NREP: variants seen among roughly 807,000 people sequenced by gnomAD.
NREP encodes the protein neuronal regeneration-related protein.
A neutral mutation model predicts 8.6 loss-of-function variants in NREP; 5 were observed. The ratio of observed to expected loss-of-function variants is 0.58; its 90% CI spans 0.30 to 1.22. The LOEUF (loss-of-function observed/expected upper bound fraction) is 1.22, where lower values mean the gene tolerates loss of function less well. Ranked by LOEUF, NREP falls within the 50% of genes most tolerant of loss-of-function variation. The pLI is 0.07. For synonymous variants in NREP, 27 were observed against 28.0 expected, an observed-to-expected ratio of 0.96 and a Z score of 0.11; for missense variants, 86 against 82.5, an observed-to-expected ratio of 1.04 and a Z score of -0.17.
intron 2 of NREP, among the ~76,000 whole-genome samples, chr5:111,930,111 C>T (rs185006190): frequency 4.6e-5 from 7 of 152,176 alleles, no homozygotes; most frequent in African/African-American, 9.6e-5. Context: ...AGGAAAAGGG[C>T]GAGGCAAGAG....
Position 111,894,740 on chromosome 5 carries a change from T to C in NREP, c.135+80534A>G, listed in dbSNP as rs1754468452. Among the ~76,000 whole-genome samples the C allele has an allele frequency of 3.3e-5, 5 of 152,322 alleles. No homozygotes were observed. In the South Asian group the frequency reaches 6.2e-4, roughly 19 times the overall value. On this transcript the variant is annotated intron_variant, in intron 2 of 3. Transcript: ENST00000395634. ...CAGGCAATGAAACCATGATTGTTGA[T>C]GCACAACAGCCGACAGCCCTATGGA...
At chr5:111,809,949 C>A (rs1752234314) in intron 2 of NREP, among the ~76,000 whole-genome samples, 1 of 150,994 alleles carries the variant, frequency 6.6e-6, no homozygotes, top group Non-Finnish European at 1.5e-5. Context: ...AACAGCAAAT[C>A]TCTAGACTAG....
intron 2 of NREP, among the ~76,000 whole-genome samples, chr5:111,858,830 C>A (rs528988359): frequency 2.6e-5 from 4 of 152,198 alleles, no homozygotes; most frequent in Non-Finnish European, 5.9e-5. Context: ...CTAAAATGCT[C>A]CAAACAACCT....
intron 2 of NREP, among the ~76,000 whole-genome samples, chr5:111,776,142 T>A (rs138850556): frequency 6.6e-6 from 1 of 152,190 alleles, no homozygotes; most frequent in East Asian, 1.9e-4. Context: ...TTTGGTCATA[T>A]AGACTCACAT....
At chr5:111,876,857 T>C (rs1753922087) in intron 2 of NREP, among the ~76,000 whole-genome samples, 2 of 152,206 alleles carry the variant, frequency 1.3e-5, no homozygotes, top group Admixed American at 1.3e-4. Context: ...ACTAAATCTA[T>C]TCTATAAATG....
At chr5:111,818,726 G>T (rs559680811) in intron 2 of NREP, among the ~76,000 whole-genome samples, 6 of 152,304 alleles carry the variant, frequency 3.9e-5, no homozygotes, top group African/African-American at 1.2e-4. Flanking sequence ...CATGTGTAAA[G>T]TAATGTAGTG....
chr5:111,874,343 G>A (rs565511549), intron 2 of NREP, among the ~76,000 whole-genome samples: 2 of 152,294 alleles, frequency 1.3e-5, no homozygotes, highest in African/African-American at 4.8e-5. Flanking sequence ...ATGAGTTCAA[G>A]ATGGAAAAGT....
chr5:111,787,015 T>C (rs1440805062), intron 2 of NREP, among the ~76,000 whole-genome samples: 8 of 152,218 alleles, frequency 5.3e-5, no homozygotes, highest in East Asian at 1.9e-4. Context: ...CTTACACTGT[T>C]GATGGTCTTT....
intron 2 of NREP, among the ~76,000 whole-genome samples, chr5:111,808,848 T>C (rs983791977): frequency 6.6e-6 from 1 of 152,208 alleles, no homozygotes; most frequent in Non-Finnish European, 1.5e-5. Context: ...GCAAGGACCA[T>C]GCCACATTGC....
chr5:111,729,939 G>GTTTA lies in NREP; in HGVS notation c.*978_*981dup, dbSNP rs1748400951. The GTTTA allele has an allele frequency of 6.6e-6, 1 of 152,556 alleles. No homozygotes were observed. The highest frequency in any genetic ancestry group is 1.5e-5 in the Non-Finnish European group (1 of 68,024). 9.5% of individuals were successfully genotyped at this position (152,556 alleles called of 1,614,324 possible). Reference sequence around the variant, plus strand: ...TGTTTTGGGTTTTTTTCCAGGGGGAGTTTATTTAAAACGGTTTTGCTCTTT... The same window carrying GTTTA: ...TGTTTTGGGTTTTTTTCCAGGGGGAGTTTATTTATTTAAAACGGTTTTGCTCTTT... On this transcript the variant is annotated 3_prime_UTR_variant, in exon 4 of 4. Transcript: ENST00000257435.
At chr5:111,873,869 C>T (rs1441570609) in intron 2 of NREP, among the ~76,000 whole-genome samples, 1 of 152,150 alleles carries the variant, frequency 6.6e-6, no homozygotes, top group Non-Finnish European at 1.5e-5. Context: ...AGGCAGAACA[C>T]TAGTTACTCC....
intron 2 of NREP, among the ~76,000 whole-genome samples, chr5:111,782,614 A>G (rs1581113949): frequency 1.3e-5 from 2 of 152,318 alleles, no homozygotes; most frequent in Middle Eastern, 6.8e-3. Flanking sequence ...TTCTAAATTA[A>G]CTCTAAATAT....
At chr5:111,893,443 A>G (rs1282168749) in intron 2 of NREP, among the ~76,000 whole-genome samples, 1 of 151,886 alleles carries the variant, frequency 6.6e-6, no homozygotes, top group Non-Finnish European at 1.5e-5. Context: ...TGTGCACTAT[A>G]TTAGGGTGAC....
chr5:111,774,637 A>G (rs768534436), intron 2 of NREP, among the ~76,000 whole-genome samples: 22 of 152,176 alleles, frequency 1.4e-4, no homozygotes, highest in African/African-American at 4.1e-4. Flanking sequence ...AGATGGCCTT[A>G]AAGAGCTGAG....
At chr5:111,842,003 T>C (rs1753041786) in intron 2 of NREP, among the ~76,000 whole-genome samples, 1 of 152,176 alleles carries the variant, frequency 6.6e-6, no homozygotes. Context: ...ATTGTATTTT[T>C]GTTATGAAAC....
At chr5:111,755,633 T>C (rs1581087798) in intron 2 of NREP, 137 bp downstream of exon 2, 1 of 939,086 alleles carries the variant, frequency 1.1e-6, no homozygotes, top group African/African-American at 1.6e-5. Context: ...TCCCAGGAAC[T>C]GGAGATAGAA....
At chr5:111,860,559 G>GTCTC (rs548247189) in intron 2 of NREP, among the ~76,000 whole-genome samples, 3 of 151,386 alleles carry the variant, frequency 2.0e-5, no homozygotes, top group Non-Finnish European at 4.4e-5. Flanking sequence ...CCAGAGTCCA[G>GTCTC]TCTCTCTCTC....
chr5:111,809,196 C>T (rs528333688), intron 2 of NREP, among the ~76,000 whole-genome samples: 9 of 152,318 alleles, frequency 5.9e-5, no homozygotes, highest in East Asian at 3.9e-4. Flanking sequence ...GTATCTTCCA[C>T]TCAAAATAGG....
chr5:111,901,598 C>T (rs1408634801), intron 2 of NREP, among the ~76,000 whole-genome samples: 1 of 152,016 alleles, frequency 6.6e-6, no homozygotes, highest in East Asian at 1.9e-4. Context: ...TAGAACTAGT[C>T]AACAAATTCA....
Sources: gnomAD v4.1 joint callset for allele counts (sites outside exome capture counted in the v4.1 genomes callset) on GRCh38, gnomAD v4.1.1 for gene constraint, MANE v1.5 for transcripts, NCBI Gene and HGNC (gene_info 2026-07-23, HGNC 2026-07-21) for gene names.